The following LNX1 variants were observed in gnomAD, a reference collection of about 807,000 sequenced individuals.
LNX1 encodes the protein ligand of numb-protein X 1, also known as E3 ubiquitin-protein ligase LNX.
A neutral mutation model predicts 68.4 loss-of-function variants in LNX1; 54 were observed. That is an observed-to-expected ratio of 0.79 (90% confidence interval 0.63 to 0.99). The LOEUF (loss-of-function observed/expected upper bound fraction) is 0.99. Among genes scored for constraint, LNX1 ranks in the 50% least tolerant of loss-of-function variants. The pLI, the probability that LNX1 is intolerant of heterozygous loss-of-function variation, is 0.00. For missense variants in LNX1, 906 were observed against 926.4 expected (o/e 0.98, Z 0.29); for synonymous variants, 336 against 350.0 (o/e 0.96, Z 0.45).
intron 2 of LNX1, among the ~76,000 whole-genome samples, chr4:53,510,962 T>A (rs1202771327): frequency 6.6e-6 from 1 of 152,204 alleles, no homozygotes; most frequent in Admixed American, 6.5e-5. Context: ...ATCCCAAGAT[T>A]ATGCCATTAA....
At chr4:53,575,313 C>A (rs1192412350) in intron 1 of LNX1, among the ~76,000 whole-genome samples, 1 of 152,156 alleles carries the variant, frequency 6.6e-6, no homozygotes, top group African/African-American at 2.4e-5. Flanking sequence ...AGAATACTAC[C>A]ACAATACATA....
At chr4:53,617,679 C>T (rs544641502), upstream of LNX1, among the ~76,000 whole-genome samples, 1 of 152,286 alleles carries the variant, frequency 6.6e-6, no homozygotes, top group South Asian at 2.1e-4. Flanking sequence ...CTGTAAATGT[C>T]TCTCTTGTTT....
At chr4:53,515,864 G>T (rs994032244) in intron 2 of LNX1, among the ~76,000 whole-genome samples, 28 of 152,252 alleles carry the variant, frequency 1.8e-4, no homozygotes, top group African/African-American at 6.7e-4. Context: ...AACTCTACTG[G>T]CTCTGCAACT....
intron 2 of LNX1, among the ~76,000 whole-genome samples, chr4:53,522,592 C>T (rs1227506818): frequency 1.3e-5 from 2 of 152,232 alleles, no homozygotes; most frequent in African/African-American, 2.4e-5. Flanking sequence ...GCCATGTCTC[C>T]TGTCTTTTGT....
chr4:53,580,076 T>C (rs1263869251), intron 1 of LNX1, among the ~76,000 whole-genome samples: 1 of 152,074 alleles, frequency 6.6e-6, no homozygotes, highest in Admixed American at 6.6e-5. Context: ...AGACTCTGAG[T>C]CAAAAGGAAG....
chr4:53,573,672 A>G lies in LNX1; in HGVS notation c.331T>C (p.Cys111Arg). Residue 111 changes from cysteine to arginine, a missense_variant, in exon 2 of 11, where the codon TGC becomes CGC. Cys to Arg is a radical substitution (Grantham distance 180, BLOSUM62 -3). Transcript: ENST00000263925. Reference sequence around the variant, plus strand: ...TCACAGCGCTGCAACACCTGGGTGCAGTGCTCCCTGAATGGGCAGGTCACC... The same window carrying G: ...TCACAGCGCTGCAACACCTGGGTGCGGTGCTCCCTGAATGGGCAGGTCACC... ...LLVTCPFREH[C>R]TQVLQRCDLE... 6.2e-7 allele frequency: 1 copy of G among 1,608,296 alleles called. No homozygotes were observed. The highest frequency in any genetic ancestry group is 2.2e-5 in the East Asian group (1 of 44,704).
chr4:53,629,720 G>A lies in LNX1; in HGVS notation c.-215+22448C>T, dbSNP rs187619234. On this transcript the variant is annotated intron_variant, in intron 1 of 2. Coordinates refer to the LNX1 transcript ENST00000507168. ...TTGTTCAATTTTTAGGGTAATCAGA[G>A]GTGGTAGGGTGGATGGACTGCAGCT... 4.4e-3 allele frequency among the ~76,000 whole-genome samples: 673 copies of A among 152,300 alleles called. 1 individual carries two copies. Among genetic ancestry groups the A allele is most frequent in the Non-Finnish European group, 7.2e-3 (488 of 68,034 alleles).
chr4:53,543,505 A>T (rs1202410319), intron 2 of LNX1, among the ~76,000 whole-genome samples: 2 of 135,756 alleles, frequency 1.5e-5, no homozygotes, highest in Non-Finnish European at 3.2e-5. Context: ...ATCTACCAGG[A>T]GGCTACCTAG....
At chr4:53,647,233 C>T (rs1734919676) in intron 1 of LNX1, among the ~76,000 whole-genome samples, 1 of 152,178 alleles carries the variant, frequency 6.6e-6, no homozygotes, top group African/African-American at 2.4e-5. Flanking sequence ...GGCTCACCTG[C>T]CACCTGTCAA....
chr4:53,565,339 C>T (rs1427289044), intron 2 of LNX1, among the ~76,000 whole-genome samples: 2 of 152,024 alleles, frequency 1.3e-5, no homozygotes, highest in Non-Finnish European at 2.9e-5. Context: ...GGTCCCTGAC[C>T]CCTGACCCCC....
intron 2 of LNX1, among the ~76,000 whole-genome samples, chr4:53,513,229 C>G (rs1233484188): frequency 6.6e-6 from 1 of 152,156 alleles, no homozygotes; most frequent in Non-Finnish European, 1.5e-5. Context: ...GGCAGTCTGG[C>G]AGAAGACAGC....
At chr4:53,517,280 C>A (rs946154130) in intron 2 of LNX1, among the ~76,000 whole-genome samples, 1 of 152,052 alleles carries the variant, frequency 6.6e-6, no homozygotes, top group Non-Finnish European at 1.5e-5. Context: ...TGAAAGAAAG[C>A]AGATATATAG....
At chr4:53,538,319 A>T (rs1235494408) in intron 2 of LNX1, among the ~76,000 whole-genome samples, 1 of 152,226 alleles carries the variant, frequency 6.6e-6, no homozygotes, top group South Asian at 2.1e-4. Flanking sequence ...AAGAGCCAGA[A>T]TCAGCAGCCA....
At chr4:53,619,163 C>G (rs558936564), upstream of LNX1, among the ~76,000 whole-genome samples, 5 of 152,210 alleles carry the variant, frequency 3.3e-5, no homozygotes, top group Admixed American at 6.5e-5. Context: ...CATTAGATGG[C>G]CTTAATTTTT....
intron 2 of LNX1, chr4:53,524,414 C>T (rs1207649495): frequency 6.6e-6 from 1 of 152,112 alleles, no homozygotes; most frequent in Non-Finnish European, 1.5e-5. Flanking sequence ...TTAATACTCG[C>T]CTCCAAATCT....
chr4:53,572,724 A>G (rs1577736510), intron 2 of LNX1, among the ~76,000 whole-genome samples: 2 of 152,202 alleles, frequency 1.3e-5, no homozygotes, highest in Admixed American at 6.5e-5. Flanking sequence ...AGGCAGCCAG[A>G]TGGAACAGGT....
chr4:53,642,095 G>A (rs368419007), intron 1 of LNX1, among the ~76,000 whole-genome samples: 4 of 151,980 alleles, frequency 2.6e-5, no homozygotes, highest in Non-Finnish European at 4.4e-5. Context: ...GGTGGTACAC[G>A]CCTGTGATCC....
chr4:53,462,591 G>A (rs2150552770), intron 9 of LNX1, among the ~76,000 whole-genome samples: 1 of 152,180 alleles, frequency 6.6e-6, no homozygotes, highest in Admixed American at 6.5e-5. Context: ...TGATAAAGTT[G>A]ATCATTACAT....
intron 1 of LNX1, among the ~76,000 whole-genome samples, chr4:53,623,105 C>A (rs1239168946): frequency 6.6e-6 from 1 of 152,016 alleles, no homozygotes; most frequent in Non-Finnish European, 1.5e-5. Context: ...GATTCATGAT[C>A]CTGGACTGAT....
Sources: gnomAD v4.1 joint callset for allele counts (sites outside exome capture counted in the v4.1 genomes callset) on GRCh38, gnomAD v4.1.1 for gene constraint, MANE v1.5 for transcripts, NCBI Gene and HGNC (gene_info 2026-07-23, HGNC 2026-07-21) for gene names.